The following CMTM4 variants were observed in gnomAD, a reference collection of about 807,000 sequenced individuals.
CMTM4 encodes the protein CKLF-like MARVEL transmembrane domain-containing protein 4.
A neutral mutation model predicts 19.0 loss-of-function variants in CMTM4; 8 were observed. The ratio of observed to expected loss-of-function variants is 0.42; its 90% CI spans 0.25 to 0.76. The LOEUF (loss-of-function observed/expected upper bound fraction) is 0.76, where lower values mean the gene tolerates loss of function less well. Among genes scored for constraint, CMTM4 ranks in the 30% least tolerant of loss-of-function variants. CMTM4 has a pLI of 0.27. For missense variants in CMTM4, 228 were observed against 290.2 expected (o/e 0.79, Z 1.56); for synonymous variants, 106 against 121.1 (o/e 0.88, Z 0.82).
At chr16:66,648,266 C>G (rs916489723) in intron 1 of CMTM4, among the ~76,000 whole-genome samples, 6 of 152,212 alleles carry the variant, frequency 3.9e-5, no homozygotes, top group Non-Finnish European at 1.5e-5. Flanking sequence ...AAAGAGTAAG[C>G]AGAAAAATGA....
At chr16:66,604,269 T>A in the CMTM4 span, 4,375 of 145,132 alleles carry the variant, frequency 0.03, 90 homozygotes, top group Non-Finnish European at 0.044. Flanking sequence ...TGGAGGAGGG[T>A]GGGGCTGGCC....
intron 1 of CMTM4, among the ~76,000 whole-genome samples, chr16:66,656,250 T>C (rs2016395899): frequency 6.6e-6 from 1 of 152,152 alleles, no homozygotes; most frequent in Non-Finnish European, 1.5e-5. Context: ...CCAACAAATA[T>C]AGCAGGAATG....
intron 1 of CMTM4, among the ~76,000 whole-genome samples, chr16:66,659,539 C>T (rs1292928394): frequency 2.0e-5 from 3 of 152,238 alleles, no homozygotes; most frequent in South Asian, 4.2e-4. Context: ...AATGCAATCA[C>T]GTATGGATCT....
the CMTM4 span, among the ~76,000 whole-genome samples, chr16:66,600,140 T>G: frequency 3.2e-3 from 441 of 139,690 alleles, no homozygotes; most frequent in East Asian, 5.2e-3. Flanking sequence ...GTGTGTGTTT[T>G]TTTTTGTTTT....
At chr16:66,690,825 G>A (rs2017121040) in intron 1 of CMTM4, among the ~76,000 whole-genome samples, 1 of 152,168 alleles carries the variant, frequency 6.6e-6, no homozygotes, top group South Asian at 2.1e-4. Flanking sequence ...AACATTTCCA[G>A]GCCAGGCGCA....
At chr16:66,654,289 C>T (rs1328253930) in intron 1 of CMTM4, among the ~76,000 whole-genome samples, 1 of 152,056 alleles carries the variant, frequency 6.6e-6, no homozygotes, top group East Asian at 1.9e-4. Context: ...AATCTGGACC[C>T]CAGAACCCTC....
rs1391458562 is a variant in CMTM4 at position 66,619,185 on chromosome 16, C to T, written c.*2873G>A. 7 of 985,320 alleles carry T rather than the reference C, an allele frequency of 7.1e-6. No homozygotes were observed. Among genetic ancestry groups the T allele is most frequent in the Non-Finnish European group, 8.4e-6 (7 of 829,942 alleles). 61.0% of individuals were successfully genotyped at this position (985,320 alleles called of 1,614,324 possible). On this transcript the variant is annotated 3_prime_UTR_variant, in exon 4 of 4. Coordinates refer to ENST00000394106, the MANE Select transcript of CMTM4 (RefSeq NM_181521.3). ...AGGGAAAACATATTTCCCTCCCATGCCTTCAGCAGTGTGAAAGAAGGATAT... is the reference window on the plus strand; with the variant it reads ...AGGGAAAACATATTTCCCTCCCATGTCTTCAGCAGTGTGAAAGAAGGATAT...
chr16:66,679,198 A>G (rs355926), intron 1 of CMTM4, among the ~76,000 whole-genome samples: 14,169 of 152,176 alleles, frequency 0.093, 915 homozygotes, highest in East Asian at 0.25. Flanking sequence ...TAAAGAAAAA[A>G]ATTCTAGGTC....
At chr16:66,639,350 T>C (rs2016057986) in intron 1 of CMTM4, among the ~76,000 whole-genome samples, 1 of 152,226 alleles carries the variant, frequency 6.6e-6, no homozygotes, top group African/African-American at 2.4e-5. Context: ...ACCTACATTC[T>C]TAAATATTAA....
the CMTM4 span, among the ~76,000 whole-genome samples, chr16:66,607,667 T>C: frequency 6.6e-6 from 1 of 152,318 alleles, no homozygotes; most frequent in African/African-American, 2.4e-5. Context: ...AACTGGTTCC[T>C]GCCTCGCTTT....
At chr16:66,640,330 G>A (rs1222784664) in intron 1 of CMTM4, among the ~76,000 whole-genome samples, 5 of 152,130 alleles carry the variant, frequency 3.3e-5, no homozygotes, top group Admixed American at 3.3e-4. Context: ...AATAAATAAA[G>A]TTTAGACAGA....
chr16:66,600,112 T>TTGTGTGTG, the CMTM4 span, among the ~76,000 whole-genome samples: 87 of 146,574 alleles, frequency 5.9e-4, no homozygotes, highest in Admixed American at 3.1e-3. Flanking sequence ...AGCCATCCTT[T>TTGTGTGTG]TGTGTGTGTG....
In CMTM4 at chr16:66,621,428, T is replaced by C. The variant is rs1389939846; in HGVS notation, c.*630A>G. 1 of 985,868 alleles carries C rather than the reference T, an allele frequency of 1.0e-6. No homozygotes were observed. The highest frequency in any genetic ancestry group is 1.2e-6 in the Non-Finnish European group (1 of 829,932). The allele number at this position is 985,868 out of a possible 1,614,324, so 61.1% of individuals were successfully genotyped here. On this transcript the variant is annotated 3_prime_UTR_variant, in exon 4 of 4. Coordinates refer to ENST00000394106, the MANE Select transcript of CMTM4 (RefSeq NM_181521.3). Reference sequence around the variant, plus strand: ...ATCTGGGGTTCAGGAAGGTGATTCATTTGAGGAAGAATCAAGTGATTTCTC... The same window carrying C: ...ATCTGGGGTTCAGGAAGGTGATTCACTTGAGGAAGAATCAAGTGATTTCTC...
the CMTM4 span, among the ~76,000 whole-genome samples, chr16:66,603,579 G>T: frequency 2.0e-5 from 3 of 152,122 alleles, no homozygotes; most frequent in Non-Finnish European, 4.4e-5. Flanking sequence ...GAGCCACAGC[G>T]CCTGACCTTC....
intron 1 of CMTM4, among the ~76,000 whole-genome samples, chr16:66,694,629 C>A (rs2017197822): frequency 6.7e-6 from 1 of 148,652 alleles, no homozygotes; most frequent in Non-Finnish European, 1.5e-5. Flanking sequence ...AGGAGAATCG[C>A]TTGAACCCGG....
chr16:66,625,655 C>G (rs2015724263), intron 2 of CMTM4, among the ~76,000 whole-genome samples: 1 of 151,924 alleles, frequency 6.6e-6, no homozygotes, highest in Non-Finnish European at 1.5e-5. Context: ...GCTAAGAAAC[C>G]AGATTAAACC....
At chr16:66,623,680 T>C (rs2015681708) in intron 2 of CMTM4, among the ~76,000 whole-genome samples, 178 bp from the exon 3 acceptor site, 1 of 152,224 alleles carries the variant, frequency 6.6e-6, no homozygotes. Context: ...TAACAGTTTA[T>C]GACACTACTT....
intron 1 of CMTM4, among the ~76,000 whole-genome samples, chr16:66,669,337 C>A (rs537472520): frequency 6.6e-6 from 1 of 151,878 alleles, no homozygotes; most frequent in Non-Finnish European, 1.5e-5. Flanking sequence ...AGAAAGGGAA[C>A]GAGGAAGTTT....
At chr16:66,671,917 G>C (rs2016714736) in intron 1 of CMTM4, among the ~76,000 whole-genome samples, 1 of 151,920 alleles carries the variant, frequency 6.6e-6, no homozygotes, top group African/African-American at 2.4e-5. Context: ...TGTGGTCCCA[G>C]CTACTCAGGA....
Sources: allele counts gnomAD v4.1 joint callset (sites outside exome capture counted in the v4.1 genomes callset), GRCh38; gene constraint gnomAD v4.1.1; transcripts MANE v1.5; gene names NCBI Gene and HGNC (gene_info 2026-07-23, HGNC 2026-07-21).